The following DYNC2LI1 variants were observed in gnomAD, a reference collection of about 807,000 sequenced individuals.
The protein encoded by DYNC2LI1 is dynein cytoplasmic 2 light intermediate chain 1, also known as cytoplasmic dynein 2 light intermediate chain 1.
Under a neutral mutation model 51.9 loss-of-function variants are expected in DYNC2LI1, and 45 were observed. The ratio of observed to expected loss-of-function variants is 0.87; its 90% confidence interval spans 0.68 to 1.11. DYNC2LI1 has a LOEUF of 1.11. DYNC2LI1 is among the 50% of genes most tolerant of loss of function. The pLI, the probability that DYNC2LI1 is intolerant of heterozygous loss-of-function variation, is 0.00. For synonymous variants in DYNC2LI1, 130 were observed against 137.8 expected, an observed-to-expected ratio of 0.94 and a Z score of 0.40; for missense variants, 490 against 417.4, an observed-to-expected ratio of 1.17 and a Z score of -1.51.
At chr2:43,788,896 A>C (rs951634795) in intron 4 of DYNC2LI1, among the ~76,000 whole-genome samples, 1 of 152,210 alleles carries the variant, frequency 6.6e-6, no homozygotes, top group African/African-American at 2.4e-5. Flanking sequence ...GGCCTCCCAA[A>C]GTGCTGGGGT....
At chr2:43,805,080 G>T (rs370737359) in intron 11 of DYNC2LI1, 74 bp from the exon 12 acceptor site, 23 of 927,170 alleles carry the variant, frequency 2.5e-5, no homozygotes, top group East Asian at 2.3e-4. Context: ...ATGGGAGCTT[G>T]GTTTATTAGG....
chr2:43,812,852 A>G (rs1666554255), downstream of DYNC2LI1: 1 of 478,006 alleles, frequency 2.1e-6, no homozygotes, highest in African/African-American at 1.9e-5. Context: ...TAGGTTTATG[A>G]ATATTATTTA....
intron 10 of DYNC2LI1, among the ~76,000 whole-genome samples, 174 bp from the exon 11 acceptor site, chr2:43,804,468 C>G (rs1666174206): frequency 6.6e-6 from 1 of 152,186 alleles, no homozygotes; most frequent in Non-Finnish European, 1.5e-5. Context: ...GTACTAGAAT[C>G]TGTCCCAGTG....
intron 12 of DYNC2LI1, among the ~76,000 whole-genome samples, chr2:43,806,840 A>T (rs763790677): frequency 1.2e-4 from 18 of 152,186 alleles, no homozygotes; most frequent in Non-Finnish European, 2.5e-4. Context: ...CCCTTCATTC[A>T]TCTCTTGTAT....
At chr2:43,789,767 C>T in intron 5 of DYNC2LI1, 46 bp downstream of exon 5, 1 of 1,528,642 alleles carries the variant, frequency 6.5e-7, no homozygotes, top group Non-Finnish European at 8.9e-7. Flanking sequence ...ACAGGAGTGT[C>T]CCTAGGAGGA....
At chr2:43,820,797 G>A in the DYNC2LI1 span, among the ~76,000 whole-genome samples, 1 of 152,060 alleles carries the variant, frequency 6.6e-6, no homozygotes, top group East Asian at 1.9e-4. Context: ...GGGATTACAG[G>A]TGCGCACCAC....
At chr2:43,806,927 T>C (rs543748201) in intron 12 of DYNC2LI1, among the ~76,000 whole-genome samples, 1 of 152,302 alleles carries the variant, frequency 6.6e-6, no homozygotes, top group South Asian at 2.1e-4. Context: ...AAAGTTATGC[T>C]GTCCTAAGTT....
At position 43,796,719 on chromosome 2, in the gene DYNC2LI1, A is replaced by G. The variant is rs1202732631; in HGVS notation, c.578A>G (p.Asp193Gly). The G allele has an allele frequency of 6.2e-7, 1 of 1,609,968 alleles. No homozygotes were observed. Among genetic ancestry groups the G allele is most frequent in the Admixed American group, 1.7e-5 (1 of 59,964 alleles). The change falls in exon 8 of 13, where the codon GAT becomes GGT. Residue 193 changes from aspartate to glycine, a missense_variant and splice_region_variant. Transcript: ENST00000260605. Reference protein sequence around the residue: ...IIGSKYDVFQDFESEKRKVIC... With the variant: ...IIGSKYDVFQGFESEKRKVIC... ...TTTTAAAATAACATATTTCTACAGG[A>G]TTTTGAGTCTGAGAAGAGAAAGGTA...
At chr2:43,810,722 C>G, downstream of DYNC2LI1, among the ~76,000 whole-genome samples, 1 of 152,060 alleles carries the variant, frequency 6.6e-6, no homozygotes. Flanking sequence ...GTTCTGACAC[C>G]CTTGAGAACA....
the DYNC2LI1 span, chr2:43,825,070 C>T: frequency 6.2e-7 from 1 of 1,602,148 alleles, no homozygotes; most frequent in Non-Finnish European, 8.5e-7. Context: ...TAGCGATGCA[C>T]TTTGAATGTC....
chr2:43,790,781 A>C (rs1416329134), intron 5 of DYNC2LI1, among the ~76,000 whole-genome samples: 2 of 152,054 alleles, frequency 1.3e-5, no homozygotes, highest in African/African-American at 4.8e-5. Context: ...TTGCTTTTCC[A>C]CTTTTGAACA....
chr2:43,818,336 CA>C, the DYNC2LI1 span, among the ~76,000 whole-genome samples: 36 of 152,212 alleles, frequency 2.4e-4, no homozygotes, highest in African/African-American at 8.2e-4. Context: ...CCCAGCTATT[CA>C]GGAGACTGAG....
intron 8 of DYNC2LI1, among the ~76,000 whole-genome samples, chr2:43,797,298 A>G (rs996697935): frequency 1.3e-5 from 2 of 152,124 alleles, no homozygotes; most frequent in African/African-American, 4.8e-5. Flanking sequence ...ATTTCACTTA[A>G]GCCTCATTGT....
chr2:43,783,456 A>T, intron 2 of DYNC2LI1, 64 bp from the exon 3 acceptor site: 1 of 1,234,362 alleles, frequency 8.1e-7, no homozygotes. Context: ...ACAATTACGA[A>T]CAATAATACA....
intron 3 of DYNC2LI1, among the ~76,000 whole-genome samples, chr2:43,784,705 A>C (rs1673441109): frequency 6.6e-6 from 1 of 152,208 alleles, no homozygotes; most frequent in East Asian, 1.9e-4. Flanking sequence ...AAGTACTGGG[A>C]ATCCAGGTGT....
the DYNC2LI1 span, among the ~76,000 whole-genome samples, chr2:43,822,178 C>T: frequency 6.6e-6 from 1 of 152,116 alleles, no homozygotes. Flanking sequence ...CATCTTACAC[C>T]TTCCCTTCTT....
the DYNC2LI1 span, among the ~76,000 whole-genome samples, chr2:43,820,355 A>C: frequency 2.2e-4 from 34 of 152,324 alleles, 1 homozygote; most frequent in East Asian, 6.4e-3. Context: ...TCTCATAGGA[A>C]AACATTAAAT....
At chr2:43,787,425 T>G (rs1673576845) in intron 4 of DYNC2LI1, among the ~76,000 whole-genome samples, 175 bp downstream of exon 4, 1 of 152,228 alleles carries the variant, frequency 6.6e-6, no homozygotes, top group South Asian at 2.1e-4. Flanking sequence ...CAACCCAAAC[T>G]GTGAAAACAT....
At chr2:43,791,976 T>C (rs1199551802) in intron 5 of DYNC2LI1, among the ~76,000 whole-genome samples, 1 of 152,186 alleles carries the variant, frequency 6.6e-6, no homozygotes, top group African/African-American at 2.4e-5. Context: ...ATTTGAGTAA[T>C]TTATTTTTCT....
Sources: allele counts gnomAD v4.1 joint callset (sites outside exome capture counted in the v4.1 genomes callset), GRCh38; gene constraint gnomAD v4.1.1; transcripts MANE v1.5; gene names NCBI Gene and HGNC (gene_info 2026-07-23, HGNC 2026-07-21).